Variants in UNC13C observed in about 807,000 individuals in gnomAD.
UNC13C encodes protein unc-13 homolog C.
A neutral mutation model predicts 245.4 loss-of-function variants in UNC13C; 174 were observed. That is an observed-to-expected ratio of 0.71 (90% CI 0.63 to 0.80). UNC13C has a LOEUF of 0.80. UNC13C is among the 30% of genes least tolerant of loss of function. The pLI is 0.00. For missense variants in UNC13C, 2,829 were observed against 2,602.9 expected (o/e 1.09, Z -1.89); for synonymous variants, 992 against 895.1 (o/e 1.11, Z -1.93).
intron 1 of UNC13C, among the ~76,000 whole-genome samples, chr15:53,980,795 A>G (rs1240979638): frequency 6.6e-6 from 1 of 152,200 alleles, no homozygotes; most frequent in African/African-American, 2.4e-5. Flanking sequence ...CAAAGCCTAG[A>G]GAAATCACTT....
intron 4 of UNC13C, among the ~76,000 whole-genome samples, chr15:54,227,293 C>T (rs1476846339): frequency 6.6e-6 from 1 of 152,180 alleles, no homozygotes; most frequent in African/African-American, 2.4e-5. Context: ...CATAAGTTCT[C>T]ACTCCTGGCT....
intron 2 of UNC13C, among the ~76,000 whole-genome samples, chr15:54,119,666 C>T (rs934963558): frequency 2.5e-4 from 38 of 152,050 alleles, no homozygotes; most frequent in African/African-American, 8.9e-4. Flanking sequence ...GAAGGCATGT[C>T]GAAAGTCAAT....
At chr15:54,202,414 A>G (rs985074324) in intron 4 of UNC13C, among the ~76,000 whole-genome samples, 5 of 152,100 alleles carry the variant, frequency 3.3e-5, no homozygotes, top group Non-Finnish European at 5.9e-5. Context: ...ACCCAAATTC[A>G]AACTATACTA....
intron 19 of UNC13C, among the ~76,000 whole-genome samples, chr15:54,485,808 G>A (rs536936942): frequency 2.7e-4 from 41 of 152,130 alleles, no homozygotes; most frequent in African/African-American, 9.6e-4. Flanking sequence ...CCATTTCACT[G>A]TCTGTATTCT....
chr15:54,074,805 A>G (rs571723326), intron 2 of UNC13C, among the ~76,000 whole-genome samples: 9 of 152,240 alleles, frequency 5.9e-5, no homozygotes, highest in African/African-American at 1.4e-4. Context: ...TATATATTCA[A>G]TCATGTCATC....
intron 18 of UNC13C, among the ~76,000 whole-genome samples, chr15:54,401,304 T>C (rs967010328): frequency 6.6e-6 from 1 of 152,170 alleles, no homozygotes; most frequent in African/African-American, 2.4e-5. Flanking sequence ...GTCACAAATA[T>C]TTAATTTGTA....
chr15:54,154,029 T>C (rs1246625339), intron 4 of UNC13C, among the ~76,000 whole-genome samples: 1 of 152,120 alleles, frequency 6.6e-6, no homozygotes, highest in African/African-American at 2.4e-5. Context: ...TAAACATTTT[T>C]CTTTATGCCT....
chr15:54,143,512 A>G, intron 3 of UNC13C, 108 bp from the exon 4 acceptor site: 1 of 752,634 alleles, frequency 1.3e-6, no homozygotes, highest in Non-Finnish European at 2.2e-6. Context: ...CTGTCATACT[A>G]GGTGTTACGT....
intron 13 of UNC13C, among the ~76,000 whole-genome samples, chr15:54,319,110 G>A (rs1301328909): frequency 2.0e-5 from 3 of 151,742 alleles, no homozygotes; most frequent in African/African-American, 7.3e-5. Context: ...TGCAGGGTCT[G>A]GGTAATAACC....
At chr15:54,339,424 G>C (rs11634839) in intron 17 of UNC13C, among the ~76,000 whole-genome samples, 41,230 of 151,774 alleles carry the variant, frequency 0.27, 5,996 homozygotes, top group Admixed American at 0.36. Flanking sequence ...ACCCCTCCGA[G>C]CCTTTCCCCA....
At chr15:54,612,377 GTTTATTTATTTATATGACTTC>G (rs1252244656) in intron 30 of UNC13C, among the ~76,000 whole-genome samples, 2 of 151,926 alleles carry the variant, frequency 1.3e-5, no homozygotes, top group Non-Finnish European at 2.9e-5. Flanking sequence ...TTCATTTAGA[GTTTATTTATTTATATGACTTC>G]TTTATACATT....
intron 4 of UNC13C, among the ~76,000 whole-genome samples, chr15:54,180,216 C>T (rs905169004): frequency 6.6e-6 from 1 of 151,854 alleles, no homozygotes; most frequent in African/African-American, 2.4e-5. Flanking sequence ...CCATGAGTAC[C>T]CAATGTTCAG....
intron 2 of UNC13C, among the ~76,000 whole-genome samples, chr15:54,125,912 A>G (rs2031006667): frequency 6.6e-6 from 1 of 152,178 alleles, no homozygotes; most frequent in Non-Finnish European, 1.5e-5. Context: ...TCAACTGCCA[A>G]TATCATGAAT....
At chr15:54,371,670 A>G (rs1278717656) in intron 17 of UNC13C, among the ~76,000 whole-genome samples, 1 of 151,950 alleles carries the variant, frequency 6.6e-6, no homozygotes, top group Admixed American at 6.6e-5. Context: ...TTATGGCTTT[A>G]CCACAGCTTT....
At chr15:54,633,130 A>G (rs1392274005), downstream of UNC13C, 3 of 152,032 alleles carry the variant, frequency 2.0e-5, no homozygotes, top group Non-Finnish European at 4.4e-5. Flanking sequence ...ACGCCATTGC[A>G]CTCCAACCTG....
intron 1 of UNC13C, among the ~76,000 whole-genome samples, chr15:53,981,906 A>G (rs562415672): frequency 1.3e-5 from 2 of 152,298 alleles, no homozygotes; most frequent in South Asian, 2.1e-4. Flanking sequence ...CATCTCTTTT[A>G]TATCCTAGTC....
chr15:54,259,480 C>T (rs1437662829), intron 8 of UNC13C, among the ~76,000 whole-genome samples: 1 of 152,136 alleles, frequency 6.6e-6, no homozygotes, highest in Non-Finnish European at 1.5e-5. Flanking sequence ...AGGGGTTTCC[C>T]CTTATAAAAC....
At chr15:54,132,225 C>T (rs1266263464) in intron 2 of UNC13C, among the ~76,000 whole-genome samples, 2 of 151,898 alleles carry the variant, frequency 1.3e-5, no homozygotes, top group African/African-American at 4.8e-5. Flanking sequence ...CGGCTGCCAC[C>T]ACACCTGGCT....
chr15:54,374,384 C>T (rs1360464048), intron 17 of UNC13C, among the ~76,000 whole-genome samples: 1 of 152,126 alleles, frequency 6.6e-6, no homozygotes, highest in Non-Finnish European at 1.5e-5. Flanking sequence ...GCCTCAGTAA[C>T]CCCCACCCCG....
Sources: allele counts gnomAD v4.1 joint callset (sites outside exome capture counted in the v4.1 genomes callset), GRCh38; gene constraint gnomAD v4.1.1; transcripts MANE v1.5; gene names NCBI Gene and HGNC (gene_info 2026-07-23, HGNC 2026-07-21).